The following NEBL variants were observed in gnomAD, a reference collection of about 807,000 sequenced individuals.
The protein encoded by NEBL is nebulette.
A neutral mutation model predicts 140.2 loss-of-function variants in NEBL; 122 were observed. The observed-to-expected ratio is 0.87, with a 90% CI of 0.75 to 1.01. NEBL has a LOEUF of 1.01. NEBL is among the 50% of genes least tolerant of loss of function. The pLI is 0.00. For missense variants in NEBL, 1,365 were observed against 1,231.3 expected (o/e 1.11, Z -1.62); for synonymous variants, 436 against 398.9 (o/e 1.09, Z -1.11).
intron 3 of NEBL, among the ~76,000 whole-genome samples, chr10:21,208,794 C>A (rs1217165559): frequency 1.3e-5 from 2 of 151,832 alleles, no homozygotes; most frequent in African/African-American, 4.9e-5. Flanking sequence ...TACAACCCCA[C>A]TTAACTGCAG....
At chr10:20,808,351 A>T (rs931678772) in intron 26 of NEBL, among the ~76,000 whole-genome samples, 159 bp downstream of exon 26, 2 of 144,316 alleles carry the variant, frequency 1.4e-5, no homozygotes, top group Admixed American at 6.9e-5. Flanking sequence ...TTTTTCTTTA[A>T]AAAAAAAAAA....
intron 26 of NEBL, among the ~76,000 whole-genome samples, chr10:20,794,180 T>C (rs1836277162): frequency 6.6e-6 from 1 of 152,190 alleles, no homozygotes; most frequent in African/African-American, 2.4e-5. Flanking sequence ...CCCCATTTCC[T>C]TGGGGTGGAG....
chr10:21,218,521 T>G (rs924056991), intron 3 of NEBL, among the ~76,000 whole-genome samples: 5 of 152,150 alleles, frequency 3.3e-5, no homozygotes, highest in African/African-American at 9.7e-5. Context: ...AGACATGCTG[T>G]GTGGTATAAT....
At chr10:20,903,319 G>A (rs1478128153) in intron 4 of NEBL, among the ~76,000 whole-genome samples, 2 of 151,894 alleles carry the variant, frequency 1.3e-5, no homozygotes, top group East Asian at 1.9e-4. Flanking sequence ...AATAAGATAC[G>A]GCCTTACCCT....
upstream of NEBL, among the ~76,000 whole-genome samples, chr10:21,179,301 T>G (rs1841350393): frequency 6.6e-6 from 1 of 152,166 alleles, no homozygotes; most frequent in Non-Finnish European, 1.5e-5. Flanking sequence ...AACTACTCCA[T>G]AGATAACAAC....
intron 1 of NEBL, among the ~76,000 whole-genome samples, chr10:21,257,880 A>G (rs1842680949): frequency 6.6e-6 from 1 of 150,628 alleles, no homozygotes; most frequent in Non-Finnish European, 1.5e-5. Context: ...GCGAGACTCC[A>G]TCTCACACAC....
At chr10:21,284,115 C>T (rs1044615027) in intron 1 of NEBL, among the ~76,000 whole-genome samples, 5 of 136,632 alleles carry the variant, frequency 3.7e-5, no homozygotes, top group African/African-American at 1.1e-4. Flanking sequence ...GAAGCTGAGG[C>T]AGGAGAATCT....
chr10:21,192,085 G>T (rs967251756), intron 3 of NEBL, among the ~76,000 whole-genome samples: 2 of 151,944 alleles, frequency 1.3e-5, no homozygotes, highest in African/African-American at 4.8e-5. Context: ...TCATTCCCAG[G>T]TTCTCAAAAA....
At chr10:21,020,707 C>T (rs1427495042) in intron 2 of NEBL, among the ~76,000 whole-genome samples, 3 of 152,138 alleles carry the variant, frequency 2.0e-5, no homozygotes, top group African/African-American at 7.2e-5. Context: ...TCCTCTTGGG[C>T]GGCCTCCCTC....
At chr10:21,130,366 A>T (rs1839045966) in intron 2 of NEBL, among the ~76,000 whole-genome samples, 1 of 152,142 alleles carries the variant, frequency 6.6e-6, no homozygotes, top group Non-Finnish European at 1.5e-5. Context: ...ATCAGCAAGG[A>T]CATAGTTGAA....
At chr10:21,120,742 G>T (rs980180281) in intron 2 of NEBL, among the ~76,000 whole-genome samples, 1 of 141,162 alleles carries the variant, frequency 7.1e-6, no homozygotes, top group Non-Finnish European at 1.5e-5. Context: ...GAGTGAAGAA[G>T]TTCCCTGTGG....
rs77520476 is a variant in NEBL, at chr10:21,030,457, T to G, written c.165-10256A>C. On this transcript the variant is annotated intron_variant, in intron 2 of 6. Transcript: ENST00000417816. ...ACTGTCACTCTCCAACTTCTAAATC[T>G]ACCAAAACTGATCAGCCCCAAAAGG... 1,039 of 711,230 alleles carry G rather than the reference T, an allele frequency of 1.5e-3. 9 individuals are homozygous for G. The African/African-American group carries it at 0.016, about 11-fold the overall frequency. The allele number at this position is 711,230 out of a possible 1,614,324, so 44.1% of individuals were successfully genotyped here. A position where few individuals can be genotyped will look rare whatever the true frequency, so the allele number is the denominator to read the frequency against.
At chr10:21,178,661 A>T (rs1355081470), upstream of NEBL, among the ~76,000 whole-genome samples, 1 of 152,224 alleles carries the variant, frequency 6.6e-6, no homozygotes, top group African/African-American at 2.4e-5. Context: ...CATCACTTCA[A>T]TGCCCCAACA....
intron 2 of NEBL, among the ~76,000 whole-genome samples, chr10:21,106,744 G>A (rs1032829096): frequency 6.6e-6 from 1 of 152,130 alleles, no homozygotes; most frequent in Non-Finnish European, 1.5e-5. Flanking sequence ...TAGCTTGATG[G>A]GGATAGTATT....
chr10:21,200,877 C>A (rs527717318), intron 3 of NEBL, among the ~76,000 whole-genome samples: 1 of 152,022 alleles, frequency 6.6e-6, no homozygotes, highest in Admixed American at 6.6e-5. Context: ...GAGGATTGTG[C>A]GAGCCCAGGA....
chr10:20,865,827 G>A (rs1291497434), intron 7 of NEBL, among the ~76,000 whole-genome samples: 2 of 152,100 alleles, frequency 1.3e-5, no homozygotes, highest in Non-Finnish European at 2.9e-5. Flanking sequence ...TTGCATTTGG[G>A]CATCTCTCAT....
At chr10:21,290,056 A>C (rs1045649956) in intron 1 of NEBL, among the ~76,000 whole-genome samples, 1 of 152,188 alleles carries the variant, frequency 6.6e-6, no homozygotes, top group African/African-American at 2.4e-5. Context: ...GTGTTTTATA[A>C]ATCCATTTTA....
chr10:21,281,462 G>T lies in NEBL; in HGVS notation n.182+11368C>A, dbSNP rs143613779. ...CAGGTACACACCACCACTCTCTGCT[G>T]CTTGTCTTTCCTTTTCTTTCTTTCT... On this transcript the variant is annotated intron_variant and non_coding_transcript_variant, in intron 1 of 8. Coordinates refer to the NEBL transcript ENST00000675702. Among the ~76,000 whole-genome samples the T allele has an allele frequency of 5.0e-3, 751 of 149,058 alleles. 3 individuals carry two copies. Among genetic ancestry groups the T allele is most frequent in the South Asian group, 0.018 (84 of 4,580 alleles).
chr10:21,276,177 G>T (rs963058895), intron 1 of NEBL, among the ~76,000 whole-genome samples: 2 of 151,802 alleles, frequency 1.3e-5, no homozygotes, highest in Non-Finnish European at 2.9e-5. Flanking sequence ...CCACCATGTT[G>T]GGCAGGCTGG....
Sources: gnomAD v4.1 joint callset for allele counts (sites outside exome capture counted in the v4.1 genomes callset) on GRCh38, gnomAD v4.1.1 for gene constraint, MANE v1.5 for transcripts, NCBI Gene and HGNC (gene_info 2026-07-23, HGNC 2026-07-21) for gene names.